The following NELL1 variants were observed in gnomAD, a reference collection of about 807,000 sequenced individuals.
NELL1 encodes protein kinase C-binding protein NELL1.
A neutral mutation model predicts 107.4 loss-of-function variants in NELL1; 76 were observed. The ratio of observed to expected loss-of-function variants is 0.71; its 90% CI spans 0.59 to 0.86. The LOEUF is 0.86. NELL1 is among the 40% of genes least tolerant of loss of function. The pLI is 0.00. For synonymous variants in NELL1, 353 were observed against 341.2 expected (o/e 1.03, Z -0.38); for missense variants, 1,024 against 1,005.5 (o/e 1.02, Z -0.25).
chr11:20,965,350 C>T (rs1472062813), intron 12 of NELL1, among the ~76,000 whole-genome samples: 4 of 152,098 alleles, frequency 2.6e-5, no homozygotes, highest in African/African-American at 9.7e-5. Context: ...GTTATTATTA[C>T]CATTATTATT....
chr11:20,853,519 G>A (rs1200713946), intron 4 of NELL1, among the ~76,000 whole-genome samples: 4 of 152,146 alleles, frequency 2.6e-5, no homozygotes, highest in Non-Finnish European at 5.9e-5. Flanking sequence ...CTACCATAGG[G>A]TTGTGGTAGG....
intron 14 of NELL1, among the ~76,000 whole-genome samples, chr11:21,321,851 G>T (rs1258921319): frequency 6.6e-5 from 10 of 152,208 alleles, no homozygotes; most frequent in Admixed American, 6.5e-4. Context: ...AGTGGGCAGG[G>T]CTCTGCCCTC....
At chr11:20,673,348 G>A (rs1024342336) in intron 1 of NELL1, among the ~76,000 whole-genome samples, 3 of 152,238 alleles carry the variant, frequency 2.0e-5, no homozygotes, top group African/African-American at 7.2e-5. Context: ...GGTGCCCAGG[G>A]GCCCAAACCT....
chr11:21,508,222 GAAAAT>G (rs1453620573), intron 15 of NELL1, among the ~76,000 whole-genome samples: 5 of 151,852 alleles, frequency 3.3e-5, no homozygotes, highest in Non-Finnish European at 5.9e-5. Flanking sequence ...AAATGTTTCT[GAAAAT>G]AAAATAAATA....
At chr11:21,574,517 C>A (rs1857176781) in intron 19 of NELL1, among the ~76,000 whole-genome samples, 1 of 151,796 alleles carries the variant, frequency 6.6e-6, no homozygotes, top group African/African-American at 2.4e-5. Context: ...TTCATAGTCA[C>A]CATGAGAGAT....
intron 15 of NELL1, among the ~76,000 whole-genome samples, chr11:21,490,243 A>G (rs1372853353): frequency 1.3e-5 from 2 of 152,094 alleles, no homozygotes; most frequent in Non-Finnish European, 2.9e-5. Context: ...TGAGGAAAAG[A>G]TATCTGTAAG....
At chr11:21,081,298 C>CT (rs1330201601) in intron 12 of NELL1, among the ~76,000 whole-genome samples, 1 of 152,070 alleles carries the variant, frequency 6.6e-6, no homozygotes, top group Non-Finnish European at 1.5e-5. Context: ...TCTAATTACC[C>CT]TTTTTTAATA....
rs773554755 is a variant in NELL1, at chr11:21,092,698, C to T, written c.1301-20891C>T. ...AAATAGCCATTTGTAGAAAAGGAAA[C>T]AGACAAAATGAATGTGTGCAATGTT... On this transcript the variant is annotated intron_variant, in intron 12 of 19. Coordinates refer to ENST00000357134, the MANE Select transcript of NELL1 (RefSeq NM_006157.5). Among the ~76,000 whole-genome samples the T allele has an allele frequency of 2.6e-5, 4 of 152,104 alleles. No homozygotes were observed. The East Asian group carries it at 7.7e-4, about 29-fold the overall frequency.
At chr11:21,407,777 T>G (rs994007074) in intron 15 of NELL1, among the ~76,000 whole-genome samples, 14 of 151,588 alleles carry the variant, frequency 9.2e-5, no homozygotes, top group African/African-American at 3.4e-4. Flanking sequence ...AATTATTTCT[T>G]CGAATAGTCC....
chr11:20,858,152 A>C (rs1848916728), intron 4 of NELL1, among the ~76,000 whole-genome samples: 1 of 152,192 alleles, frequency 6.6e-6, no homozygotes, highest in Non-Finnish European at 1.5e-5. Flanking sequence ...GTCCCTTAGC[A>C]GCAGAGTTAC....
At chr11:21,454,390 C>T (rs1455476315) in intron 15 of NELL1, among the ~76,000 whole-genome samples, 7 of 151,850 alleles carry the variant, frequency 4.6e-5, no homozygotes, top group African/African-American at 1.7e-4. Context: ...AATAAACATA[C>T]GTGTGCATGT....
chr11:20,994,533 G>C (rs543665186), intron 12 of NELL1, among the ~76,000 whole-genome samples: 8 of 151,974 alleles, frequency 5.3e-5, no homozygotes, highest in South Asian at 2.1e-4. Context: ...CAAATAAATT[G>C]CTAATGAATA....
intron 3 of NELL1, among the ~76,000 whole-genome samples, chr11:20,836,487 A>C (rs1848536919): frequency 6.6e-6 from 1 of 152,162 alleles, no homozygotes; most frequent in South Asian, 2.1e-4. Context: ...TTTCACAAAA[A>C]ATCCTGCAAA....
At chr11:21,190,473 T>C (rs1190434203) in intron 13 of NELL1, among the ~76,000 whole-genome samples, 2 of 151,872 alleles carry the variant, frequency 1.3e-5, no homozygotes, top group Non-Finnish European at 2.9e-5. Context: ...GTCTGGTATT[T>C]GTTTTAGTTC....
At chr11:20,691,621 C>T (rs919578396) in intron 2 of NELL1, among the ~76,000 whole-genome samples, 3 of 151,912 alleles carry the variant, frequency 2.0e-5, no homozygotes, top group African/African-American at 7.3e-5. Context: ...GCCTTGCATC[C>T]CAGGGATGAA....
chr11:21,186,676 T>C (rs1017242515), intron 13 of NELL1, among the ~76,000 whole-genome samples: 3 of 151,866 alleles, frequency 2.0e-5, no homozygotes, highest in African/African-American at 7.3e-5. Context: ...TTGATCAACA[T>C]TAATGTTATT....
chr11:21,178,931 ATAT>A (rs1856768011), intron 13 of NELL1, among the ~76,000 whole-genome samples: 1 of 151,768 alleles, frequency 6.6e-6, no homozygotes, highest in South Asian at 2.1e-4. Context: ...AATGGCTTTG[ATAT>A]TATGCATGGC....
intron 15 of NELL1, among the ~76,000 whole-genome samples, chr11:21,458,348 T>G (rs548911502): frequency 7.2e-5 from 11 of 152,302 alleles, no homozygotes; most frequent in Non-Finnish European, 1.5e-4. Flanking sequence ...TGTTTGACCC[T>G]GTAAGTCTAC....
chr11:21,077,465 A>G (rs970635909), intron 12 of NELL1, among the ~76,000 whole-genome samples: 1 of 152,214 alleles, frequency 6.6e-6, no homozygotes, highest in Non-Finnish European at 1.5e-5. Context: ...AATTAGGGCC[A>G]GGAATGGTGG....
Sources: allele counts gnomAD v4.1 joint callset (sites outside exome capture counted in the v4.1 genomes callset), GRCh38; gene constraint gnomAD v4.1.1; transcripts MANE v1.5; gene names NCBI Gene and HGNC (gene_info 2026-07-23, HGNC 2026-07-21).